The following OPCML variants were observed in gnomAD, a reference collection of about 807,000 sequenced individuals.
The protein encoded by OPCML is opioid binding protein/cell adhesion molecule like, also known as opioid-binding protein/cell adhesion molecule.
Under a neutral mutation model 37.8 loss-of-function variants are expected in OPCML, and 13 were observed. That is an observed-to-expected ratio of 0.34 (90% CI 0.22 to 0.55). OPCML has a LOEUF of 0.55. Ranked by LOEUF, OPCML falls within the 20% of genes least tolerant of loss-of-function variation. The pLI is 0.91. For synonymous variants in OPCML, 176 were observed against 168.8 expected (o/e 1.04, Z -0.33); for missense variants, 341 against 435.6 (o/e 0.78, Z 1.93).
chr11:133,200,894 C>T (rs927459623), intron 1 of OPCML, among the ~76,000 whole-genome samples: 6 of 152,012 alleles, frequency 3.9e-5, no homozygotes, highest in African/African-American at 7.2e-5. Flanking sequence ...AGGCCATCAA[C>T]GGTGGACTGG....
At chr11:132,833,121 C>T (rs11820024) in intron 2 of OPCML, among the ~76,000 whole-genome samples, 1,902 of 148,044 alleles carry the variant, frequency 0.013, 41 homozygotes, top group African/African-American at 0.044. Flanking sequence ...AACTAATCTT[C>T]GCATTATGTA....
At chr11:132,480,000 T>A (rs550579628) in intron 4 of OPCML, among the ~76,000 whole-genome samples, 1 of 152,086 alleles carries the variant, frequency 6.6e-6, no homozygotes, top group South Asian at 2.1e-4. Context: ...TCACCAGCAA[T>A]GGAACAAAGC....
At chr11:133,442,868 A>G (rs2136942630) in intron 1 of OPCML, among the ~76,000 whole-genome samples, 1 of 152,108 alleles carries the variant, frequency 6.6e-6, no homozygotes, top group East Asian at 1.9e-4. Context: ...AACTGTTTTC[A>G]CTATTACCAA....
At chr11:132,850,877 T>C (rs1565909766) in intron 2 of OPCML, among the ~76,000 whole-genome samples, 1 of 152,172 alleles carries the variant, frequency 6.6e-6, no homozygotes, top group Non-Finnish European at 1.5e-5. Flanking sequence ...TTTTCCAACA[T>C]TTTTTTCTGC....
intron 1 of OPCML, among the ~76,000 whole-genome samples, chr11:133,152,694 G>C (rs1349127621): frequency 6.6e-6 from 1 of 151,968 alleles, no homozygotes; most frequent in Non-Finnish European, 1.5e-5. Flanking sequence ...CTCTCTAATT[G>C]ATGCGTGGGA....
At chr11:133,400,982 A>T (rs745748905) in intron 1 of OPCML, among the ~76,000 whole-genome samples, 4 of 152,230 alleles carry the variant, frequency 2.6e-5, no homozygotes, top group Non-Finnish European at 5.9e-5. Context: ...TCCTGTTAAC[A>T]AGCGTCAGAA....
rs182697305 is a variant in OPCML at position 133,408,959 on chromosome 11, T to C, written c.61+123305A>G. Reference sequence around the variant, plus strand: ...TTATATCTCTGCCAGCCATTGTCCATCCTCTGCTGATGCCTTGGTTTTCAC... The same window carrying C: ...TTATATCTCTGCCAGCCATTGTCCACCCTCTGCTGATGCCTTGGTTTTCAC... On this transcript the variant is annotated intron_variant, in intron 1 of 7. Coordinates refer to ENST00000524381, the MANE Select transcript of OPCML (RefSeq NM_001012393.5). 4.5e-3 allele frequency among the ~76,000 whole-genome samples: 679 copies of C among 152,318 alleles called. 3 individuals carry two copies. Among genetic ancestry groups the C allele is most frequent in the African/African-American group, 0.016 (659 of 41,568 alleles).
chr11:132,417,800 C>A lies in OPCML; in HGVS notation c.*2393G>T, dbSNP rs933315371. The A allele has an allele frequency of 1.2e-4, 18 of 152,194 alleles. No homozygotes were observed. Among genetic ancestry groups the A allele is most frequent in the Non-Finnish European group, 5.9e-5 (4 of 68,032 alleles). 9.4% of individuals were successfully genotyped at this position (152,194 alleles called of 1,614,324 possible). A position where few individuals can be genotyped will look rare whatever the true frequency, so the allele number is the denominator to read the frequency against. ...CCAGATGCTGAAGGTGGTGACAGAT[C>A]TGAAACGTCTATGTGCGACCTTTAA... On this transcript the variant is annotated 3_prime_UTR_variant, in exon 8 of 8. Transcript: ENST00000524381.
At chr11:133,128,977 A>C (rs1949562667) in intron 1 of OPCML, among the ~76,000 whole-genome samples, 1 of 152,198 alleles carries the variant, frequency 6.6e-6, no homozygotes, top group Non-Finnish European at 1.5e-5. Context: ...ATCATCTTCG[A>C]GGCCCTGAAC....
chr11:133,212,262 T>C lies in OPCML; in HGVS notation c.62-269252A>G, dbSNP rs1179864115. On this transcript the variant is annotated intron_variant, in intron 1 of 7. Transcript: ENST00000524381. The surrounding 1 kb of genome is among the most constrained non-coding windows in gnomAD (Gnocchi z 4.9). ...CCCCGATAGGTGCACAAAGTCCTCC[T>C]AATAGTCCGTGACAGCCTACACAGC... 6.6e-6 allele frequency among the ~76,000 whole-genome samples: 1 copy of C among 152,170 alleles called. No homozygotes were observed. Among genetic ancestry groups the C allele is most frequent in the Non-Finnish European group, 1.5e-5 (1 of 68,024 alleles).
intron 1 of OPCML, among the ~76,000 whole-genome samples, chr11:133,479,320 C>T (rs1464334080): frequency 6.6e-6 from 1 of 152,170 alleles, no homozygotes; most frequent in Admixed American, 6.5e-5. Context: ...CCATCACAAG[C>T]AATATCAGCT....
intron 2 of OPCML, among the ~76,000 whole-genome samples, chr11:132,907,382 C>A (rs938319596): frequency 1.3e-5 from 2 of 152,118 alleles, no homozygotes; most frequent in Non-Finnish European, 2.9e-5. Context: ...CCTGTAATCC[C>A]AGCACTTTGG....
intron 3 of OPCML, among the ~76,000 whole-genome samples, chr11:132,597,788 A>G (rs1012268850): frequency 7.2e-5 from 11 of 152,218 alleles, no homozygotes; most frequent in African/African-American, 2.4e-4. Flanking sequence ...ATATTTGGAT[A>G]AAATATATAA....
At chr11:132,605,781 G>A (rs1174654862) in intron 3 of OPCML, among the ~76,000 whole-genome samples, 1 of 152,100 alleles carries the variant, frequency 6.6e-6, no homozygotes, top group East Asian at 1.9e-4. Flanking sequence ...GAGAACACAG[G>A]TTTGTCCATG....
At chr11:133,385,597 G>A (rs923292870) in intron 1 of OPCML, among the ~76,000 whole-genome samples, 2 of 152,042 alleles carry the variant, frequency 1.3e-5, no homozygotes, top group Admixed American at 6.6e-5. Flanking sequence ...CAGCCTAGCT[G>A]TTTTCAAAGC....
intron 2 of OPCML, among the ~76,000 whole-genome samples, chr11:132,677,971 G>A (rs1942784077): frequency 6.6e-6 from 1 of 152,082 alleles, no homozygotes. Flanking sequence ...AGAAACCACA[G>A]ACTGGAAAAA....
At chr11:133,281,549 G>A (rs1042422501) in intron 1 of OPCML, among the ~76,000 whole-genome samples, 3 of 152,012 alleles carry the variant, frequency 2.0e-5, no homozygotes, top group African/African-American at 7.2e-5. Context: ...TTCCTTTACA[G>A]AGATGCAAAA....
intron 2 of OPCML, among the ~76,000 whole-genome samples, chr11:132,928,820 A>T (rs1294634655): frequency 6.6e-6 from 1 of 152,028 alleles, no homozygotes; most frequent in Non-Finnish European, 1.5e-5. Flanking sequence ...CATAAGGAAA[A>T]CTGGAAAATC....
At chr11:133,409,604 G>T (rs1945601772) in intron 1 of OPCML, among the ~76,000 whole-genome samples, 1 of 152,126 alleles carries the variant, frequency 6.6e-6, no homozygotes, top group Non-Finnish European at 1.5e-5. Context: ...AACCGTAACA[G>T]CTGTGACTAT....
Sources: gnomAD v4.1 joint callset for allele counts (sites outside exome capture counted in the v4.1 genomes callset) on GRCh38, gnomAD v4.1.1 for gene constraint, Gnocchi (gnomAD v3.1) non-coding constraint, MANE v1.5 for transcripts, NCBI Gene and HGNC (gene_info 2026-07-23, HGNC 2026-07-21) for gene names.